The following NCKAP5 variants were observed in gnomAD, a reference collection of about 807,000 sequenced individuals.
NCKAP5 encodes NCK associated protein 5, also known as nck-associated protein 5.
NCKAP5 carries 92 observed loss-of-function variants against 167.0 expected under a neutral mutation model. The observed-to-expected ratio is 0.55, with a 90% CI of 0.47 to 0.66. The LOEUF (loss-of-function observed/expected upper bound fraction) is 0.66. NCKAP5 is among the 30% of genes least tolerant of loss of function. The pLI is 0.00. For synonymous variants in NCKAP5, 891 were observed against 877.4 expected (o/e 1.02, Z -0.27); for missense variants, 2,378 against 2,315.0 (o/e 1.03, Z -0.56).
the NCKAP5 span, among the ~76,000 whole-genome samples, chr2:133,621,347 A>G: frequency 8.5e-5 from 13 of 152,308 alleles, no homozygotes; most frequent in African/African-American, 2.9e-4. Flanking sequence ...TGGTTCTTTG[A>G]AAAGATAAAT....
chr2:132,997,276 G>T (rs552720143), intron 6 of NCKAP5, among the ~76,000 whole-genome samples: 1 of 152,212 alleles, frequency 6.6e-6, no homozygotes, highest in African/African-American at 2.4e-5. Flanking sequence ...ATGGCACAAG[G>T]ACTCATTTGG....
At chr2:132,924,838 T>C (rs561280233) in intron 8 of NCKAP5, among the ~76,000 whole-genome samples, 198 of 152,158 alleles carry the variant, frequency 1.3e-3, no homozygotes, top group African/African-American at 4.6e-3. Context: ...AACTGCAGAA[T>C]TGACGTGAAA....
intron 9 of NCKAP5, among the ~76,000 whole-genome samples, chr2:132,876,970 G>A (rs1691330928): frequency 6.6e-6 from 1 of 152,214 alleles, no homozygotes; most frequent in Admixed American, 6.5e-5. Context: ...TGTGGTGTGA[G>A]TCACATAAAT....
At chr2:132,952,110 T>C (rs1270482055) in intron 8 of NCKAP5, among the ~76,000 whole-genome samples, 1 of 152,174 alleles carries the variant, frequency 6.6e-6, no homozygotes, top group African/African-American at 2.4e-5. Flanking sequence ...CATCAAAATT[T>C]ATGCTCTGTG....
the NCKAP5 span, among the ~76,000 whole-genome samples, chr2:133,666,821 C>T: frequency 6.6e-6 from 1 of 151,860 alleles, no homozygotes; most frequent in African/African-American, 2.4e-5. Flanking sequence ...CAGCCTGTCT[C>T]ATAGCAACCC....
At chr2:133,511,137 T>A (rs183065082) in intron 3 of NCKAP5, among the ~76,000 whole-genome samples, 3 of 152,334 alleles carry the variant, frequency 2.0e-5, no homozygotes, top group Non-Finnish European at 2.9e-5. Flanking sequence ...ATGCTCTATG[T>A]CCACTGCTTG....
chr2:133,459,146 T>C (rs1303477991), intron 3 of NCKAP5, among the ~76,000 whole-genome samples: 1 of 152,178 alleles, frequency 6.6e-6, no homozygotes, highest in Non-Finnish European at 1.5e-5. Context: ...GCATTTGGCA[T>C]CTGGCTAAGG....
At chr2:132,798,681 G>A (rs192745490) in intron 11 of NCKAP5, among the ~76,000 whole-genome samples, 1 of 152,194 alleles carries the variant, frequency 6.6e-6, no homozygotes, top group East Asian at 1.9e-4. Flanking sequence ...TATCCAAATG[G>A]GTCCCTTCCC....
the NCKAP5 span, among the ~76,000 whole-genome samples, chr2:133,656,275 A>C: frequency 7.5e-6 from 1 of 132,744 alleles, no homozygotes; most frequent in Non-Finnish European, 1.7e-5. Context: ...AAACAAACAA[A>C]AAAAAAAAAA....
chr2:132,900,978 A>G (rs1187125561), intron 8 of NCKAP5, among the ~76,000 whole-genome samples: 26 of 76,838 alleles, frequency 3.4e-4, no homozygotes, highest in African/African-American at 1.6e-3. Context: ...AAAAAAAAAG[A>G]AAAAAAAAAA....
rs185425692 is a variant in NCKAP5 at position 133,521,912 on chromosome 2, C to T, written c.-61-4325G>A. ...AGTCTAAAAAACTAAGGGAAACCTC[C>T]GAGTAGTGGGGCTTATGGTGGCTAC... On this transcript the variant is annotated intron_variant, in intron 2 of 19. Coordinates refer to ENST00000409261, the MANE Select transcript of NCKAP5 (RefSeq NM_207363.3). Among the ~76,000 whole-genome samples, 195 of 152,240 alleles carry T rather than the reference C, an allele frequency of 1.3e-3. No homozygotes were observed. In the Middle Eastern group the frequency reaches 0.014, roughly 11 times the overall value.
At chr2:132,963,278 G>A (rs765200074) in intron 8 of NCKAP5, among the ~76,000 whole-genome samples, 2 of 151,820 alleles carry the variant, frequency 1.3e-5, no homozygotes, top group South Asian at 2.1e-4. Context: ...ATTCCTGCAC[G>A]TTTTTTTTAA....
At chr2:132,867,307 T>C (rs940438305) in intron 10 of NCKAP5, among the ~76,000 whole-genome samples, 1 of 152,146 alleles carries the variant, frequency 6.6e-6, no homozygotes, top group African/African-American at 2.4e-5. Context: ...GCATAGAGTT[T>C]CAAACAGGAG....
In NCKAP5 at chr2:133,403,887, ATG is replaced by A. The variant is rs138024785; in HGVS notation, c.70-100779_70-100778del. 3.7e-3 allele frequency among the ~76,000 whole-genome samples: 551 copies of A among 147,520 alleles called. 3 individuals are homozygous for A. Among genetic ancestry groups the A allele is most frequent in the African/African-American group, 7.9e-3 (322 of 40,568 alleles). On this transcript the variant is annotated intron_variant, in intron 3 of 19. Coordinates refer to ENST00000409261, the MANE Select transcript of NCKAP5 (RefSeq NM_207363.3). ...CATAAGCTGGTCTGCAGTCAGGTGG[ATG>A]TGTGTGTGTGTGTGTGTGTGTGTGT...
intron 8 of NCKAP5, among the ~76,000 whole-genome samples, chr2:132,924,125 C>G (rs77358668): frequency 0.027 from 4,080 of 152,272 alleles, 159 homozygotes; most frequent in African/African-American, 0.091. Context: ...CAAACCTCAG[C>G]TTCTACTCCT....
chr2:133,306,276 C>T (rs548053333), intron 3 of NCKAP5, among the ~76,000 whole-genome samples: 2 of 152,280 alleles, frequency 1.3e-5, no homozygotes, highest in Middle Eastern at 3.4e-3. Flanking sequence ...CTTCAGTATC[C>T]CAGCATGCCT....
At chr2:132,869,217 C>A (rs923188265) in intron 9 of NCKAP5, among the ~76,000 whole-genome samples, 3 of 152,114 alleles carry the variant, frequency 2.0e-5, no homozygotes, top group Non-Finnish European at 4.4e-5. Flanking sequence ...ATCATTCATA[C>A]CTTGACTTTC....
At chr2:133,564,893 C>T (rs1268002191) in intron 1 of NCKAP5, among the ~76,000 whole-genome samples, 3 of 152,182 alleles carry the variant, frequency 2.0e-5, no homozygotes, top group South Asian at 2.1e-4. Context: ...AAGTAATTCC[C>T]TAAGGGCAGT....
At chr2:133,475,397 T>C (rs932278251) in intron 3 of NCKAP5, among the ~76,000 whole-genome samples, 20 of 152,196 alleles carry the variant, frequency 1.3e-4, no homozygotes, top group African/African-American at 4.6e-4. Context: ...TTAAAATTTA[T>C]ATAAAAGCAT....
Sources: gnomAD v4.1 joint callset for allele counts (sites outside exome capture counted in the v4.1 genomes callset) on GRCh38, gnomAD v4.1.1 for gene constraint, MANE v1.5 for transcripts, NCBI Gene and HGNC (gene_info 2026-07-23, HGNC 2026-07-21) for gene names.